SLC52A3: variants seen among roughly 807,000 people sequenced by gnomAD.
SLC52A3 encodes the protein solute carrier family 52, riboflavin transporter, member 3.
In SLC52A3, 20 loss-of-function variants were observed where a neutral mutation model predicts 29.5. That is an observed-to-expected ratio of 0.68 (90% CI 0.48 to 0.99). SLC52A3 has a LOEUF of 0.99. Ranked by LOEUF, SLC52A3 falls within the 50% of genes least tolerant of loss-of-function variation. The pLI is 0.00. For synonymous variants in SLC52A3, 301 were observed against 271.0 expected, an observed-to-expected ratio of 1.11 and a Z score of -1.09; for missense variants, 548 against 612.9, an observed-to-expected ratio of 0.89 and a Z score of 1.12.
rs137861276 is a variant in SLC52A3 at position 765,472 on chromosome 20, G to A, written c.303C>T (p.Asp101=). The A allele has an allele frequency of 4.9e-5, 78 of 1,602,334 alleles. No individual in the cohort carries two copies. The highest frequency in any genetic ancestry group is 6.4e-5 in the Non-Finnish European group (75 of 1,174,486). The stretch of plus-strand genomic sequence containing the variant: ...CCAAGAAGGCGATGCTGTGGTGGCC[G>A]TCCAGCACCCAGGAGGTCATATTCC... ...FLWNMTSWVL[D]GHHSIAFLVL... The change falls in exon 2 of 5, where the codon GAC becomes GAT. Residue 101 remains aspartate (D), a synonymous_variant. Coordinates refer to ENST00000645534, the MANE Select transcript of SLC52A3 (RefSeq NM_033409.4). This position sits in a 1 kb window ranked among gnomAD's most constrained non-coding sequence, Gnocchi z 6.6.
Position 765,615 on chromosome 20 carries a change from C to A in SLC52A3, c.160G>T (p.Gly54Trp). 1 of 1,601,120 alleles carries A rather than the reference C, an allele frequency of 6.2e-7. No homozygotes were observed. Among genetic ancestry groups the A allele is most frequent in the African/African-American group, 1.3e-5 (1 of 74,894 alleles). ...TGGAGCAGGGTGACCAGGAGGGGCCCGATGTTGGCCAGCTGGATGACCACC... is the reference window on the plus strand; with the variant it reads ...TGGAGCAGGGTGACCAGGAGGGGCCAGATGTTGGCCAGCTGGATGACCACC... Reference protein sequence around the residue: ...LTVVIQLANIGPLLVTLLHHF... With the variant: ...LTVVIQLANIWPLLVTLLHHF... Residue 54 changes from glycine (G) to tryptophan (W), a missense_variant, in exon 2 of 5, where the codon GGG (glycine) becomes TGG (tryptophan). Coordinates refer to ENST00000645534, the MANE Select transcript of SLC52A3 (RefSeq NM_033409.4). The surrounding 1 kb of genome is among the most constrained non-coding windows in gnomAD (Gnocchi z 6.6).
chr20:761,056 C>G lies in SLC52A3; in HGVS notation c.1380G>C (p.Ala460=). The part of the protein sequence containing the change: ...LVNVLRLFSS[A]DFCNLHCPA ...CTGGACAGTGCAGATTGCAGAAGTC[C>G]GCGGACGAGAAGAGCCGCAGCACGT... Residue 460 remains alanine, a synonymous_variant, in exon 5 of 5, where the codon GCG becomes GCC. Coordinates refer to ENST00000645534, the MANE Select transcript of SLC52A3 (RefSeq NM_033409.4). 1.2e-6 allele frequency: 2 copies of G among 1,609,326 alleles called. No individual in the cohort carries two copies. Among genetic ancestry groups the G allele is most frequent in the Non-Finnish European group, 1.7e-6 (2 of 1,178,484 alleles).
At chr20:761,931 C>G (rs1986504383) in intron 3 of SLC52A3, 107 bp from the exon 4 acceptor site, 10 of 1,543,298 alleles carry the variant, frequency 6.5e-6, no homozygotes, top group Non-Finnish European at 8.0e-6. Flanking sequence ...TTAGTTTAGA[C>G]CCATGTGGAA....
At chr20:770,983 C>G (rs1331849792), upstream of SLC52A3, among the ~76,000 whole-genome samples, 2 of 152,108 alleles carry the variant, frequency 1.3e-5, no homozygotes, top group African/African-American at 2.4e-5. This position sits in a 1 kb window ranked among gnomAD's most constrained non-coding sequence, Gnocchi z 4.5. Context: ...ATACTAGGCT[C>G]CTTTGGGATT....
chr20:763,713 C>A lies in SLC52A3; in HGVS notation c.858G>T (p.Gly286=), dbSNP rs752020540. 1.8e-5 allele frequency: 29 copies of A among 1,614,042 alleles called. No individual in the cohort carries two copies. The highest frequency in any genetic ancestry group is 2.2e-5 in the Non-Finnish European group (26 of 1,180,006). The change falls in exon 3 of 5, where the codon GGG becomes GGT. Residue 286 remains glycine, a synonymous_variant. Transcript: ENST00000645534. ...AGGGGGCTGCTTTCTCCTCTAGATA[C>A]CCCTGGCCCTGGCTGCTGTCCACCG... is the stretch of plus-strand genomic sequence containing the variant. The part of the protein sequence containing the change: ...AGTVDSSQGQ[G]YLEEKAAPCC...
In SLC52A3 at chr20:761,042, A is replaced by G. The variant is rs920768971; in HGVS notation, c.1394T>C (p.Leu465Pro). ...GCGGCCTGCCTAGGCTGGACAGTGC[A>G]GATTGCAGAAGTCCGCGGACGAGAA... ...RLFSSADFCN[L>P]HCPA Residue 465 changes from leucine to proline, a missense_variant, in exon 5 of 5, where the codon CTG becomes CCG. By Grantham distance (98) the Leu-to-Pro change is moderately conservative. Transcript: ENST00000645534. The G allele has an allele frequency of 6.8e-6, 11 of 1,607,812 alleles. No homozygotes were observed. Among genetic ancestry groups the G allele is most frequent in the African/African-American group, 6.7e-5 (5 of 74,764 alleles).
upstream of SLC52A3, among the ~76,000 whole-genome samples, chr20:777,697 C>T (rs76997364): frequency 0.018 from 2,782 of 152,238 alleles, 72 homozygotes; most frequent in African/African-American, 0.064. Flanking sequence ...ATGCTTGGGG[C>T]GAGAGGTGAG....
intron 1 of SLC52A3, among the ~76,000 whole-genome samples, chr20:766,577 A>G (rs983806540): frequency 7.2e-5 from 11 of 151,746 alleles, no homozygotes; most frequent in African/African-American, 2.7e-4. Flanking sequence ...AAGCTCCCCT[A>G]CTGAGCACCT....
At chr20:773,496 G>T (rs761743731), upstream of SLC52A3, among the ~76,000 whole-genome samples, 1 of 152,130 alleles carries the variant, frequency 6.6e-6, no homozygotes, top group African/African-American at 2.4e-5. Flanking sequence ...CAGGGTGAAG[G>T]GGTTCTGAAG....
At chr20:777,910 A>G (rs116033955), upstream of SLC52A3, among the ~76,000 whole-genome samples, 1,177 of 152,204 alleles carry the variant, frequency 7.7e-3, 17 homozygotes, top group African/African-American at 0.027. Flanking sequence ...CTGGAAAGCT[A>G]TTCTTTGGTA....
At chr20:766,003 TC>T in intron 1 of SLC52A3, 178 bp from the exon 2 acceptor site, 1 of 564,964 alleles carries the variant, frequency 1.8e-6, no homozygotes, top group Non-Finnish European at 3.2e-6. Context: ...AATGGGATGA[TC>T]TCGGCTCAGT....
upstream of SLC52A3, among the ~76,000 whole-genome samples, chr20:768,973 A>C (rs577565350): frequency 6.6e-6 from 1 of 152,294 alleles, no homozygotes; most frequent in South Asian, 2.1e-4. Context: ...TCACCTTCTC[A>C]GGCGTCCTCA....
upstream of SLC52A3, among the ~76,000 whole-genome samples, chr20:770,155 G>GTTT (rs71191969): frequency 0.087 from 12,375 of 143,058 alleles, 569 homozygotes; most frequent in South Asian, 0.13. The surrounding 1 kb of genome is among the most constrained non-coding windows in gnomAD (Gnocchi z 4.5). Context: ...TCTGACTGCT[G>GTTT]TTTTTTTTTT....
Position 765,633 on chromosome 20 carries a change from T to C in SLC52A3, c.142A>G (p.Ile48Val). 5 of 1,608,186 alleles carry C rather than the reference T, an allele frequency of 3.1e-6. No homozygotes were observed. Among genetic ancestry groups the C allele is most frequent in the Non-Finnish European group, 4.2e-6 (5 of 1,177,876 alleles). The change falls in exon 2 of 5, where the codon ATC becomes GTC. Residue 48 changes from isoleucine to valine, a missense_variant. Ile to Val is a conservative substitution (Grantham distance 29). Transcript: ENST00000645534. The surrounding 1 kb of genome is among the most constrained non-coding windows in gnomAD (Gnocchi z 6.6). ...AGGGGCCCGATGTTGGCCAGCTGGATGACCACCGTGAGGTAGGAGGGCAGG... is the reference window on the plus strand; with the variant it reads ...AGGGGCCCGATGTTGGCCAGCTGGACGACCACCGTGAGGTAGGAGGGCAGG... ...WYLPSYLTVV[I>V]QLANIGPLLV...
At chr20:772,331 G>A (rs1166089152), upstream of SLC52A3, among the ~76,000 whole-genome samples, 1 of 152,242 alleles carries the variant, frequency 6.6e-6, no homozygotes, top group African/African-American at 2.4e-5. Context: ...ACCAGGCACA[G>A]TGGGGGTGTG....
chr20:777,439 A>C (rs996663518), upstream of SLC52A3, among the ~76,000 whole-genome samples: 1 of 152,160 alleles, frequency 6.6e-6, no homozygotes, highest in Non-Finnish European at 1.5e-5. Context: ...TTCTTTCCCC[A>C]GCCTGATGGC....
At chr20:762,762 T>C (rs1292421882) in intron 3 of SLC52A3, among the ~76,000 whole-genome samples, 1 of 152,122 alleles carries the variant, frequency 6.6e-6, no homozygotes, top group African/African-American at 2.4e-5. Context: ...AGCTCTTCTG[T>C]CCTCACTGTC....
upstream of SLC52A3, among the ~76,000 whole-genome samples, chr20:777,529 A>C (rs1326038352): frequency 2.0e-5 from 3 of 152,208 alleles, no homozygotes; most frequent in East Asian, 5.8e-4. Context: ...TGCAGACTCA[A>C]ATTGGTGCCT....
chr20:768,167 C>G (rs1429102050), intron 1 of SLC52A3, 130 bp downstream of exon 1: 1 of 152,166 alleles, frequency 6.6e-6, no homozygotes. Flanking sequence ...CTAAGGGTTA[C>G]TGATCATTAT....
Sources: gnomAD v4.1 joint callset for allele counts (sites outside exome capture counted in the v4.1 genomes callset) on GRCh38, gnomAD v4.1.1 for gene constraint, Gnocchi (gnomAD v3.1) non-coding constraint, MANE v1.5 for transcripts, NCBI Gene and HGNC (gene_info 2026-07-23, HGNC 2026-07-21) for gene names.